The following TNIK variants were observed in gnomAD, a reference collection of about 807,000 sequenced individuals.
TNIK encodes the protein TRAF2 and NCK interacting kinase.
A neutral mutation model predicts 191.3 loss-of-function variants in TNIK; 49 were observed. That is an observed-to-expected ratio of 0.26 (90% CI 0.20 to 0.32). The LOEUF is 0.32. Ranked by LOEUF, TNIK falls within the 10% of genes least tolerant of loss-of-function variation. The pLI, the probability that TNIK is intolerant of heterozygous loss-of-function variation, is 1.00. For missense variants in TNIK, 1,155 were observed against 1,702.3 expected (o/e 0.68, Z 5.66); for synonymous variants, 594 against 600.9 (o/e 0.99, Z 0.17).
At chr3:171,089,931 GTGCTCTGGGCTGCAC>G (rs1364818938) in intron 23 of TNIK, among the ~76,000 whole-genome samples, 3 of 152,284 alleles carry the variant, frequency 2.0e-5, no homozygotes, top group Non-Finnish European at 4.4e-5. Context: ...CAGAGCCCAG[GTGCTCTGGGCTGCAC>G]TGTTGTATTA....
At chr3:171,365,211 T>A (rs1208145810) in intron 2 of TNIK, among the ~76,000 whole-genome samples, 1 of 124,042 alleles carries the variant, frequency 8.1e-6, no homozygotes, top group Admixed American at 9.3e-5. Context: ...AGACAGAGTT[T>A]CGCTCTACTT....
chr3:171,079,958 G>C (rs1720455601), intron 27 of TNIK, among the ~76,000 whole-genome samples: 1 of 152,186 alleles, frequency 6.6e-6, no homozygotes, highest in Non-Finnish European at 1.5e-5. Context: ...GCTGAACTTA[G>C]TAAGAGCTAA....
rs1194147637 is a variant in TNIK, at chr3:171,063,011, C to T, written c.*870G>A. On this transcript the variant is annotated 3_prime_UTR_variant, in exon 33 of 33. Coordinates refer to ENST00000436636, the MANE Select transcript of TNIK (RefSeq NM_015028.4). ...CTTTCTGTCTGACCCCATCTGTCAT[C>T]CCATCTTTTTCCCTGATCTGTTGCA... 2 of 152,166 alleles carry T rather than the reference C, an allele frequency of 1.3e-5. No homozygotes were observed. The highest frequency in any genetic ancestry group is 4.8e-5 in the African/African-American group (2 of 41,432). 9.4% of individuals were successfully genotyped at this position (152,166 alleles called of 1,614,324 possible). A position where few individuals can be genotyped will look rare whatever the true frequency, so the allele number is the denominator to read the frequency against.
intron 15 of TNIK, among the ~76,000 whole-genome samples, chr3:171,136,586 G>A (rs1360822071): frequency 6.6e-6 from 1 of 152,192 alleles, no homozygotes. Context: ...TCAAGCAGGA[G>A]TCTTGGTCTG....
intron 7 of TNIK, among the ~76,000 whole-genome samples, chr3:171,179,285 G>A (rs961666041): frequency 6.6e-5 from 10 of 152,110 alleles, no homozygotes; most frequent in Non-Finnish European, 1.0e-4. Context: ...TCTGCACCCC[G>A]TGTTTCTCTG....
At chr3:171,131,214 G>T (rs34812216) in intron 15 of TNIK, among the ~76,000 whole-genome samples, 14,429 of 149,278 alleles carry the variant, frequency 0.097, 820 homozygotes, top group African/African-American at 0.15. Context: ...AGCGGGCGCC[G>T]GTAGTCCCAG....
chr3:171,347,055 T>C, intron 2 of TNIK: 1 of 1,357,028 alleles, frequency 7.4e-7, no homozygotes, highest in Non-Finnish European at 9.9e-7. Context: ...ATGCCTGTGC[T>C]AGGACAGTGG....
At chr3:171,302,788 C>T (rs1317118227) in intron 2 of TNIK, among the ~76,000 whole-genome samples, 2 of 151,994 alleles carry the variant, frequency 1.3e-5, no homozygotes, top group Non-Finnish European at 2.9e-5. Context: ...TAACCTTCTA[C>T]CCTCTCTCAT....
chr3:171,280,309 G>A (rs73030922), intron 2 of TNIK, among the ~76,000 whole-genome samples: 5,727 of 152,190 alleles, frequency 0.038, 333 homozygotes, highest in African/African-American at 0.13. Context: ...TTTGAACTGG[G>A]TGAGAAAAAT....
chr3:171,276,158 C>G lies in TNIK; in HGVS notation c.124-47937G>C, dbSNP rs566072637. 1.1e-4 allele frequency among the ~76,000 whole-genome samples: 16 copies of G among 152,098 alleles called. 1 individual carries two copies. In the South Asian group the frequency reaches 1.9e-3, roughly 18 times the overall value. Reference sequence around the variant, plus strand: ...ATTCTATATTCATCCTAATCATCAACCAAAGATGAAAATAGAACAAAACAT... The same window carrying G: ...ATTCTATATTCATCCTAATCATCAAGCAAAGATGAAAATAGAACAAAACAT... On this transcript the variant is annotated intron_variant, in intron 2 of 32. Transcript: ENST00000436636.
intron 2 of TNIK, among the ~76,000 whole-genome samples, chr3:171,335,892 A>T (rs549967682): frequency 6.6e-6 from 1 of 152,190 alleles, no homozygotes; most frequent in Non-Finnish European, 1.5e-5. Context: ...CATTCCTATC[A>T]GCAAGGTATG....
chr3:171,199,321 T>A (rs1302973682), intron 4 of TNIK, among the ~76,000 whole-genome samples: 1 of 151,800 alleles, frequency 6.6e-6, no homozygotes, highest in Non-Finnish European at 1.5e-5. Flanking sequence ...ATAAGTAACC[T>A]CATCACATTA....
chr3:171,400,553 G>A (rs1422649206), intron 1 of TNIK, among the ~76,000 whole-genome samples: 1 of 79,054 alleles, frequency 1.3e-5, no homozygotes, highest in Admixed American at 1.1e-4. Flanking sequence ...GGGCAACAGA[G>A]TGAGACCCTC....
chr3:171,324,440 A>G (rs567659284), intron 2 of TNIK, among the ~76,000 whole-genome samples: 2 of 152,152 alleles, frequency 1.3e-5, no homozygotes, highest in Non-Finnish European at 2.9e-5. Context: ...AAATGACTTT[A>G]CATGGCTGCT....
chr3:171,335,520 T>C (rs992191803), intron 2 of TNIK, among the ~76,000 whole-genome samples: 3 of 152,248 alleles, frequency 2.0e-5, no homozygotes, highest in Admixed American at 1.3e-4. Context: ...GGGATCACAG[T>C]ACACAGCCTT....
At chr3:171,252,776 G>A (rs1406086728) in intron 2 of TNIK, among the ~76,000 whole-genome samples, 1 of 152,160 alleles carries the variant, frequency 6.6e-6, no homozygotes, top group Admixed American at 6.5e-5. Flanking sequence ...AAATCATGGG[G>A]TAGTGGAATG....
At chr3:171,119,806 G>C (rs906580498) in intron 18 of TNIK, among the ~76,000 whole-genome samples, 8 of 152,132 alleles carry the variant, frequency 5.3e-5, no homozygotes, top group South Asian at 2.1e-4. Context: ...GTGGGGTTGG[G>C]GGGAGGGAGG....
chr3:171,077,795 A>C (rs371565072), intron 28 of TNIK, among the ~76,000 whole-genome samples: 104 of 151,806 alleles, frequency 6.9e-4, no homozygotes, highest in African/African-American at 2.5e-3. Flanking sequence ...ATGTATATAC[A>C]CATATATATA....
chr3:171,221,241 A>G (rs564237615), intron 3 of TNIK, among the ~76,000 whole-genome samples: 1 of 152,208 alleles, frequency 6.6e-6, no homozygotes, highest in Non-Finnish European at 1.5e-5. Context: ...TGCTAAAGAC[A>G]TCTACATAAA....
Sources: gnomAD v4.1 joint callset for allele counts (sites outside exome capture counted in the v4.1 genomes callset) on GRCh38, gnomAD v4.1.1 for gene constraint, MANE v1.5 for transcripts, NCBI Gene and HGNC (gene_info 2026-07-23, HGNC 2026-07-21) for gene names.